GMPS: variants seen among roughly 807,000 people sequenced by gnomAD.
The protein encoded by GMPS is guanosine monophosphate synthase.
GMPS carries 15 observed loss-of-function variants against 77.9 expected under a neutral mutation model. The observed-to-expected ratio is 0.19, with a 90% CI of 0.13 to 0.30. The LOEUF is 0.30. GMPS is among the 10% of genes least tolerant of loss of function. GMPS has a pLI of 1.00. For synonymous variants in GMPS, 224 were observed against 275.9 expected (o/e 0.81, Z 1.86); for missense variants, 590 against 838.8 (o/e 0.70, Z 3.66).
At chr3:155,889,714 C>T (rs1754419097) in intron 1 of GMPS, among the ~76,000 whole-genome samples, 1 of 152,178 alleles carries the variant, frequency 6.6e-6, no homozygotes, top group South Asian at 2.1e-4. Flanking sequence ...CCAGAATCTG[C>T]TAGATCTTCT....
intron 3 of GMPS, among the ~76,000 whole-genome samples, chr3:155,900,403 T>C (rs1335123146): frequency 6.6e-6 from 1 of 151,708 alleles, no homozygotes; most frequent in Non-Finnish European, 1.5e-5. Context: ...GTGTAATATA[T>C]TTATATAATT....
chr3:155,916,291 C>G lies in GMPS; in HGVS notation c.1212+99C>G. ...AATATTCACAGAATTGCATAACCAT[C>G]ACCACATCTAATTTTAGAACATTTT... On this transcript the variant is annotated intron_variant, in intron 9 of 15. Coordinates refer to ENST00000496455, the MANE Select transcript of GMPS (RefSeq NM_003875.3). 3 of 765,270 alleles carry G rather than the reference C, an allele frequency of 3.9e-6. No homozygotes were observed. In the South Asian group the frequency reaches 5.1e-5, roughly 13 times the overall value. The allele number at this position is 765,270 out of a possible 1,614,324, so 47.4% of individuals were successfully genotyped here.
intron 14 of GMPS, among the ~76,000 whole-genome samples, chr3:155,935,509 T>G (rs1755742027): frequency 6.6e-6 from 1 of 152,202 alleles, no homozygotes; most frequent in African/African-American, 2.4e-5. Context: ...CCTATAATGT[T>G]GCTTCTAAAT....
chr3:155,870,986 C>T (rs1037528142), intron 1 of GMPS, 89 bp downstream of exon 1: 6 of 1,228,750 alleles, frequency 4.9e-6, no homozygotes, highest in Non-Finnish European at 1.1e-6. Context: ...TTCCCCACCC[C>T]CTTCCCCCAG....
chr3:155,877,419 C>T (rs2108048315), intron 1 of GMPS, among the ~76,000 whole-genome samples: 1 of 152,114 alleles, frequency 6.6e-6, no homozygotes, highest in African/African-American at 2.4e-5. Flanking sequence ...AGTATCCAAC[C>T]CCATAGTTCT....
chr3:155,882,467 T>C (rs905812114), intron 1 of GMPS, among the ~76,000 whole-genome samples: 1 of 152,236 alleles, frequency 6.6e-6, no homozygotes, highest in Non-Finnish European at 1.5e-5. Flanking sequence ...ATTCAGATGT[T>C]ACCAGCTTAT....
intron 12 of GMPS, among the ~76,000 whole-genome samples, chr3:155,930,958 G>A (rs759443392): frequency 1.3e-5 from 2 of 152,110 alleles, no homozygotes; most frequent in South Asian, 2.1e-4. Context: ...GAGTAGCAGG[G>A]ACTACAGGTG....
intron 8 of GMPS, among the ~76,000 whole-genome samples, chr3:155,915,359 T>C (rs765597474): frequency 6.0e-5 from 9 of 151,212 alleles, no homozygotes; most frequent in Non-Finnish European, 1.2e-4. Flanking sequence ...TGCCTCAGCC[T>C]CCCGAGTAGC....
intron 1 of GMPS, among the ~76,000 whole-genome samples, chr3:155,881,711 C>G (rs1293567711): frequency 6.6e-6 from 1 of 152,118 alleles, no homozygotes; most frequent in African/African-American, 2.4e-5. Flanking sequence ...TTTCCTGAGA[C>G]TAGTACACTC....
chr3:155,906,294 T>C (rs1560044302), intron 5 of GMPS, 31 bp downstream of exon 5: 1 of 1,275,930 alleles, frequency 7.8e-7, no homozygotes. Context: ...GCAGAGTTCA[T>C]TTAAAAAACT....
intron 13 of GMPS, among the ~76,000 whole-genome samples, chr3:155,934,261 A>G (rs1440040449): frequency 6.6e-6 from 1 of 152,234 alleles, no homozygotes; most frequent in African/African-American, 2.4e-5. Flanking sequence ...AAATCACCAC[A>G]AACTAGGAGG....
chr3:155,934,869 A>C, intron 13 of GMPS, 47 bp from the exon 14 acceptor site: 1 of 1,240,162 alleles, frequency 8.1e-7, no homozygotes. Context: ...TGTAATTTCT[A>C]CATTTGAAAT....
chr3:155,918,701 A>G (rs1191353421), intron 9 of GMPS, among the ~76,000 whole-genome samples: 1 of 152,174 alleles, frequency 6.6e-6, no homozygotes, highest in African/African-American at 2.4e-5. Flanking sequence ...GGTTTGTTAT[A>G]CAGATTATTT....
At chr3:155,905,768 T>C (rs1410860428) in intron 4 of GMPS, among the ~76,000 whole-genome samples, 1 of 152,242 alleles carries the variant, frequency 6.6e-6, no homozygotes, top group African/African-American at 2.4e-5. Flanking sequence ...TAAGTCCTAT[T>C]ACTACTTACA....
chr3:155,931,710 T>G (rs1755626626), intron 12 of GMPS, 55 bp from the exon 13 acceptor site: 1 of 682,314 alleles, frequency 1.5e-6, no homozygotes, highest in African/African-American at 1.9e-5. Context: ...TTTGTCAAGT[T>G]AAACTGGTGT....
At chr3:155,887,761 TG>T (rs1560038093) in intron 1 of GMPS, among the ~76,000 whole-genome samples, 1 of 152,112 alleles carries the variant, frequency 6.6e-6, no homozygotes, top group Non-Finnish European at 1.5e-5. Flanking sequence ...GAAAAGGTTT[TG>T]GGGGAGTGAA....
chr3:155,913,242 G>A (rs186553271), intron 7 of GMPS, among the ~76,000 whole-genome samples: 1 of 152,316 alleles, frequency 6.6e-6, no homozygotes, highest in East Asian at 1.9e-4. Context: ...CAATGAAATA[G>A]CCAGCTGCCT....
chr3:155,877,754 C>T (rs1754086378), intron 1 of GMPS, among the ~76,000 whole-genome samples: 1 of 151,374 alleles, frequency 6.6e-6, no homozygotes. Flanking sequence ...GGCCCACTTC[C>T]TGGGTCATAG....
intron 3 of GMPS, 82 bp downstream of exon 3, chr3:155,898,123 T>C: frequency 9.2e-6 from 7 of 760,550 alleles, no homozygotes; most frequent in South Asian, 8.7e-5. Flanking sequence ...TTTCTCTCTT[T>C]AGGATATTTA....
Sources: gnomAD v4.1 joint callset for allele counts (sites outside exome capture counted in the v4.1 genomes callset) on GRCh38, gnomAD v4.1.1 for gene constraint, MANE v1.5 for transcripts, NCBI Gene and HGNC (gene_info 2026-07-23, HGNC 2026-07-21) for gene names.